The following OCA2 variants were observed in gnomAD, a reference collection of about 807,000 sequenced individuals.
The protein encoded by OCA2 is OCA2 melanosomal transmembrane protein.
Under a neutral mutation model 100.2 loss-of-function variants are expected in OCA2, and 77 were observed. The ratio of observed to expected loss-of-function variants is 0.77; its 90% CI spans 0.64 to 0.93. OCA2 has a LOEUF of 0.93. OCA2 is among the 40% of genes least tolerant of loss of function. The pLI, the probability that OCA2 is intolerant of heterozygous loss-of-function variation, is 0.00. For missense variants in OCA2, 1,062 were observed against 1,089.1 expected (o/e 0.98, Z 0.35); for synonymous variants, 432 against 439.2 (o/e 0.98, Z 0.21).
At chr15:27,774,450 C>T (rs1291196541) in intron 23 of OCA2, among the ~76,000 whole-genome samples, 1 of 152,218 alleles carries the variant, frequency 6.6e-6, no homozygotes, top group Non-Finnish European at 1.5e-5. Flanking sequence ...ATGGATGAAA[C>T]TCCTCTGGTC....
chr15:28,094,788 C>G (rs1370341980), intron 1 of OCA2, among the ~76,000 whole-genome samples: 2 of 152,200 alleles, frequency 1.3e-5, no homozygotes, highest in Non-Finnish European at 2.9e-5. Context: ...AACGCCCCGC[C>G]GTGCCGTGGC....
At chr15:27,797,502 G>T (rs757267692) in intron 23 of OCA2, among the ~76,000 whole-genome samples, 1 of 152,150 alleles carries the variant, frequency 6.6e-6, no homozygotes. Flanking sequence ...TGGGCGGCAG[G>T]CGTGTTCAGA....
intron 23 of OCA2, among the ~76,000 whole-genome samples, chr15:27,807,920 G>C (rs1184079783): frequency 2.0e-5 from 3 of 152,188 alleles, no homozygotes; most frequent in African/African-American, 7.2e-5. Context: ...CGAGGGCAGG[G>C]CTAGAGGAGT....
chr15:27,956,301 A>G (rs1166853611), intron 16 of OCA2, among the ~76,000 whole-genome samples: 2 of 152,190 alleles, frequency 1.3e-5, no homozygotes, highest in Non-Finnish European at 2.9e-5. Context: ...GTGAGCCGAG[A>G]TCATGCCACT....
intron 14 of OCA2, among the ~76,000 whole-genome samples, chr15:27,981,451 G>A (rs12899295): frequency 0.51 from 76,841 of 152,048 alleles, 23,971 homozygotes; most frequent in Non-Finnish European, 0.71. Context: ...TATTCTTGAC[G>A]TTTGTTCTAG....
At chr15:28,083,415 C>T (rs185473253) in intron 1 of OCA2, among the ~76,000 whole-genome samples, 63 of 152,334 alleles carry the variant, frequency 4.1e-4, no homozygotes, top group African/African-American at 1.4e-3. Flanking sequence ...TGAGAGTGAT[C>T]ACTCACAAAC....
At chr15:27,817,546 T>A (rs2034348433) in intron 23 of OCA2, among the ~76,000 whole-genome samples, 1 of 152,172 alleles carries the variant, frequency 6.6e-6, no homozygotes, top group African/African-American at 2.4e-5. Context: ...AGTTTCCACA[T>A]CCTGATGATT....
chr15:27,867,991 C>A (rs994951748), intron 21 of OCA2, among the ~76,000 whole-genome samples: 2 of 152,234 alleles, frequency 1.3e-5, no homozygotes, highest in African/African-American at 4.8e-5. Flanking sequence ...CAAGTCGTAA[C>A]CACCTATGCA....
intron 23 of OCA2, among the ~76,000 whole-genome samples, chr15:27,823,205 G>T (rs1163172189): frequency 5.9e-5 from 9 of 152,094 alleles, no homozygotes; most frequent in Non-Finnish European, 8.8e-5. Flanking sequence ...TTTCCCACTG[G>T]TTTTTCTGTC....
At position 27,982,512 on chromosome 15, in the gene OCA2, A is replaced by T. The variant is rs142440483; in HGVS notation, c.1503+833T>A. On this transcript the variant is annotated intron_variant, in intron 14 of 23. Transcript: ENST00000354638. Reference sequence around the variant, plus strand: ...GTGAAGTGTTGCCAAGCAGTTTCCCACGGCAGCTAGGGAATGCAGAGCCAT... The same window carrying T: ...GTGAAGTGTTGCCAAGCAGTTTCCCTCGGCAGCTAGGGAATGCAGAGCCAT... Among the ~76,000 whole-genome samples the T allele has an allele frequency of 1.7e-3, 252 of 152,258 alleles. 1 individual carries two copies. Among genetic ancestry groups the T allele is most frequent in the African/African-American group, 5.8e-3 (242 of 41,548 alleles).
At chr15:27,914,248 C>A (rs972493961) in intron 19 of OCA2, among the ~76,000 whole-genome samples, 2 of 152,076 alleles carry the variant, frequency 1.3e-5, no homozygotes, top group Admixed American at 6.5e-5. Flanking sequence ...AACCCACAGC[C>A]AACATCATAC....
intron 10 of OCA2, 60 bp from the exon 11 acceptor site, chr15:27,989,726 T>C: frequency 1.3e-6 from 2 of 1,490,484 alleles, no homozygotes; most frequent in South Asian, 2.3e-5. Context: ...GTGATGAGCC[T>C]AATGAAGCGC....
At chr15:27,741,906 T>A in the OCA2 span, among the ~76,000 whole-genome samples, 3 of 152,204 alleles carry the variant, frequency 2.0e-5, no homozygotes, top group Non-Finnish European at 2.9e-5. Flanking sequence ...ACATTACTCA[T>A]CCTGCAAAAC....
At chr15:27,873,697 T>C (rs1013956146) in intron 19 of OCA2, among the ~76,000 whole-genome samples, 1 of 152,204 alleles carries the variant, frequency 6.6e-6, no homozygotes, top group African/African-American at 2.4e-5. Flanking sequence ...CGTTATGTAA[T>C]GTAAGACAAA....
intron 21 of OCA2, among the ~76,000 whole-genome samples, chr15:27,859,411 GTGT>G (rs2036052815): frequency 6.6e-6 from 1 of 152,052 alleles, no homozygotes; most frequent in Non-Finnish European, 1.5e-5. Context: ...CCAACAAATT[GTGT>G]TAACTAAGTG....
At chr15:27,740,466 C>T in the OCA2 span, among the ~76,000 whole-genome samples, 5 of 152,048 alleles carry the variant, frequency 3.3e-5, no homozygotes, top group Non-Finnish European at 7.3e-5. Context: ...TCCACTCGTG[C>T]ATCTGGTCAT....
At position 27,783,824 on chromosome 15, in the gene OCA2, T is replaced by C. The variant is rs150546500; in HGVS notation, c.2433-28352A>G. 2.9e-3 allele frequency among the ~76,000 whole-genome samples: 449 copies of C among 152,346 alleles called. 1 individual carries two copies. The highest frequency in any genetic ancestry group is 0.012 in the South Asian group (60 of 4,830). On this transcript the variant is annotated intron_variant, in intron 23 of 23. Transcript: ENST00000354638. The stretch of plus-strand genomic sequence containing the variant: ...GCTCAGGCCTGGCAAGGGGTCAGCA[T>C]GTGCTGTCAGAAAGCATGAAGCCAG...
chr15:27,986,358 C>G (rs1188091516), intron 12 of OCA2, among the ~76,000 whole-genome samples: 1 of 152,170 alleles, frequency 6.6e-6, no homozygotes. Context: ...CCTGAGTACC[C>G]TTTTCCTTGA....
chr15:28,001,941 G>A (rs1272872276), intron 9 of OCA2, among the ~76,000 whole-genome samples: 4 of 152,212 alleles, frequency 2.6e-5, no homozygotes, highest in East Asian at 1.9e-4. Flanking sequence ...TGGAGAGGCC[G>A]AGAGCTGCCG....
Sources: allele counts gnomAD v4.1 joint callset (sites outside exome capture counted in the v4.1 genomes callset), GRCh38; gene constraint gnomAD v4.1.1; transcripts MANE v1.5; gene names NCBI Gene and HGNC (gene_info 2026-07-23, HGNC 2026-07-21).